The following CCDC85C variants were observed in gnomAD, a reference collection of about 807,000 sequenced individuals.
The protein encoded by CCDC85C is coiled-coil domain-containing protein 85C.
In CCDC85C, 18 loss-of-function variants were observed where a neutral mutation model predicts 38.3. The observed-to-expected ratio is 0.47, with a 90% CI of 0.33 to 0.70. CCDC85C has a LOEUF of 0.70. CCDC85C is among the 30% of genes least tolerant of loss of function. The pLI is 0.03. For synonymous variants in CCDC85C, 264 were observed against 293.8 expected (o/e 0.90, Z 1.04); for missense variants, 566 against 621.2 (o/e 0.91, Z 0.94).
At position 99,511,391 on chromosome 14, in the gene CCDC85C, T is replaced by C. The variant is rs1008582147; in HGVS notation, c.*3855A>G. ...AAATTAATGTATGTTTACATCTCTTTGCAAATTCCTGTACATAGAGATATA... is the reference window on the plus strand; with the variant it reads ...AAATTAATGTATGTTTACATCTCTTCGCAAATTCCTGTACATAGAGATATA... On this transcript the variant is annotated 3_prime_UTR_variant, in exon 6 of 6. Transcript: ENST00000380243. 6.6e-6 allele frequency: 1 copy of C among 152,456 alleles called. No homozygotes were observed. Among genetic ancestry groups the C allele is most frequent in the African/African-American group, 2.4e-5 (1 of 41,466 alleles). 9.4% of individuals were successfully genotyped at this position (152,456 alleles called of 1,614,324 possible). A position where few individuals can be genotyped will look rare whatever the true frequency, so the allele number is the denominator to read the frequency against.
chr14:99,526,513 G>A (rs796448631), intron 2 of CCDC85C, among the ~76,000 whole-genome samples: 6 of 152,306 alleles, frequency 3.9e-5, no homozygotes, highest in African/African-American at 7.2e-5. Flanking sequence ...CAGGGGCTAC[G>A]GAGGCGAGAG....
At position 99,584,321 on chromosome 14, in the gene CCDC85C, C is replaced by T. The variant is rs191023545; in HGVS notation, c.793+18846G>A. On this transcript the variant is annotated intron_variant, in intron 1 of 5. Coordinates refer to ENST00000380243, the MANE Select transcript of CCDC85C (RefSeq NM_001144995.2). ...ATTTAGGGGCAGTGATTCTCTGTAC[C>T]TCCACCAGCGATAAATCACGTGGTG... is the stretch of plus-strand genomic sequence containing the variant. 4.5e-3 allele frequency among the ~76,000 whole-genome samples: 684 copies of T among 152,272 alleles called. 7 individuals carry two copies. Among genetic ancestry groups the T allele is most frequent in the Non-Finnish European group, 4.8e-3 (327 of 68,016 alleles).
chr14:99,580,108 C>A (rs1418918775), intron 1 of CCDC85C: 1 of 455,778 alleles, frequency 2.2e-6, no homozygotes, highest in Non-Finnish European at 4.4e-6. Flanking sequence ...ATTCGGTCAG[C>A]AAAGTGGCTG....
chr14:99,568,527 C>T (rs1328896486), intron 1 of CCDC85C, among the ~76,000 whole-genome samples: 1 of 152,220 alleles, frequency 6.6e-6, no homozygotes, highest in Admixed American at 6.5e-5. Context: ...AAGACAGCAC[C>T]CCCACTACCA....
rs577795293 is a variant in CCDC85C at position 99,576,014 on chromosome 14, G to A, written c.793+27153C>T. Among the ~76,000 whole-genome samples the A allele has an allele frequency of 3.3e-5, 5 of 152,260 alleles. No homozygotes were observed. Among genetic ancestry groups the A allele is most frequent in the South Asian group, 4.2e-4 (2 of 4,818 alleles). On this transcript the variant is annotated intron_variant, in intron 1 of 5. Coordinates refer to ENST00000380243, the MANE Select transcript of CCDC85C (RefSeq NM_001144995.2). This position sits in a 1 kb window ranked among gnomAD's most constrained non-coding sequence, Gnocchi z 4.8. ...GAAACTGAGCTGCAACAGAAAACCC[G>A]GGGGAAACCCGCTGCTGTGACCACC...
At chr14:99,540,049 G>A (rs1265800933) in intron 1 of CCDC85C, among the ~76,000 whole-genome samples, 1 of 152,140 alleles carries the variant, frequency 6.6e-6, no homozygotes, top group African/African-American at 2.4e-5. Context: ...TCAGGAGGCT[G>A]AAGCAGGAGA....
intron 1 of CCDC85C, among the ~76,000 whole-genome samples, chr14:99,546,720 T>C (rs1329961863): frequency 6.6e-6 from 1 of 152,116 alleles, no homozygotes; most frequent in African/African-American, 2.4e-5. Flanking sequence ...ACACACCTGG[T>C]GTGTGGCCAC....
intron 2 of CCDC85C, among the ~76,000 whole-genome samples, chr14:99,525,787 C>G (rs1161177592): frequency 2.0e-5 from 3 of 152,194 alleles, no homozygotes; most frequent in Admixed American, 1.3e-4. Context: ...CTGATTCATA[C>G]AGAATGCCCT....
At chr14:99,571,009 TC>T (rs1023359209) in intron 1 of CCDC85C, among the ~76,000 whole-genome samples, 1 of 151,550 alleles carries the variant, frequency 6.6e-6, no homozygotes, top group Non-Finnish European at 1.5e-5. Context: ...CCCTGGAGCT[TC>T]CCCCACTCCC....
chr14:99,553,212 T>G lies in CCDC85C; in HGVS notation c.794-17124A>C, dbSNP rs189894622. On this transcript the variant is annotated intron_variant, in intron 1 of 5. Coordinates refer to ENST00000380243, the MANE Select transcript of CCDC85C (RefSeq NM_001144995.2). ...ACTGAGCCGCCGAGAGGATGCTGGA[T>G]AGATTCCAGAACACCCAGGCCAGAG... 4.2e-3 allele frequency among the ~76,000 whole-genome samples: 632 copies of G among 152,116 alleles called. 1 individual carries two copies. The highest frequency in any genetic ancestry group is 0.015 in the African/African-American group (610 of 41,478).
chr14:99,557,127 T>C (rs1898027097), intron 1 of CCDC85C, among the ~76,000 whole-genome samples: 1 of 152,218 alleles, frequency 6.6e-6, no homozygotes, highest in African/African-American at 2.4e-5. Context: ...TCTCAGATCC[T>C]CACAGTAACC....
chr14:99,515,738 G>A (rs541036692), intron 5 of CCDC85C, among the ~76,000 whole-genome samples: 2 of 152,210 alleles, frequency 1.3e-5, no homozygotes, highest in South Asian at 4.1e-4. Context: ...GGTCGAGCAC[G>A]GAGCTCTCCT....
rs202078095 is a variant in CCDC85C at position 99,510,735 on chromosome 14, G to A, written c.*4511C>T. ...TGTGCCCCCGCCCATTCCCCCACCC[G>A]GCATGCCTCCAGTTGGGGGGCTGGG... On this transcript the variant is annotated 3_prime_UTR_variant, in exon 6 of 6. Transcript: ENST00000380243. 162 of 1,450,512 alleles carry A rather than the reference G, an allele frequency of 1.1e-4. 1 individual carries two copies. In the Admixed American group the frequency reaches 4.0e-3, roughly 35 times the overall value. The allele number at this position is 1,450,512 out of a possible 1,614,324, so 89.9% of individuals were successfully genotyped here. A position where few individuals can be genotyped will look rare whatever the true frequency, so the allele number is the denominator to read the frequency against.
intron 1 of CCDC85C, among the ~76,000 whole-genome samples, chr14:99,567,558 C>T (rs1898241171): frequency 6.6e-6 from 1 of 152,216 alleles, no homozygotes; most frequent in South Asian, 2.1e-4. Context: ...GACACAGGGG[C>T]TCATGCCTGT....
At chr14:99,553,801 G>T (rs576335012) in intron 1 of CCDC85C, among the ~76,000 whole-genome samples, 1 of 152,310 alleles carries the variant, frequency 6.6e-6, no homozygotes, top group South Asian at 2.1e-4. Flanking sequence ...GAGCCCCTGC[G>T]GCGGAGATAG....
intron 1 of CCDC85C, among the ~76,000 whole-genome samples, chr14:99,601,148 C>T (rs985313653): frequency 7.2e-5 from 11 of 152,176 alleles, no homozygotes; most frequent in Admixed American, 7.2e-4. Flanking sequence ...CTTTAAGAGA[C>T]AAAACTAAAT....
intron 1 of CCDC85C, among the ~76,000 whole-genome samples, chr14:99,579,261 C>T (rs770574216): frequency 1.3e-5 from 2 of 152,250 alleles, no homozygotes; most frequent in Non-Finnish European, 2.9e-5. Flanking sequence ...GCCAAACAAG[C>T]CAGAGAAGTG....
At chr14:99,550,095 C>T (rs1897879859) in intron 1 of CCDC85C, among the ~76,000 whole-genome samples, 1 of 152,188 alleles carries the variant, frequency 6.6e-6, no homozygotes, top group Non-Finnish European at 1.5e-5. Flanking sequence ...TCAGCCTGGG[C>T]TTGTGAACCG....
intron 1 of CCDC85C, among the ~76,000 whole-genome samples, chr14:99,559,052 C>T (rs1898064707): frequency 6.6e-6 from 1 of 152,180 alleles, no homozygotes; most frequent in Non-Finnish European, 1.5e-5. Context: ...TCGCCTTCCG[C>T]CATGATTGTA....
Sources: allele counts gnomAD v4.1 joint callset (sites outside exome capture counted in the v4.1 genomes callset), GRCh38; gene constraint gnomAD v4.1.1; non-coding constraint Gnocchi (gnomAD v3.1); transcripts MANE v1.5; gene names NCBI Gene and HGNC (gene_info 2026-07-23, HGNC 2026-07-21).